Variants in ASTN1 observed in about 807,000 individuals in gnomAD.
ASTN1 encodes the protein astrotactin-1.
In ASTN1, 41 loss-of-function variants were observed where a neutral mutation model predicts 140.7. The observed-to-expected ratio is 0.29, with a 90% confidence interval of 0.23 to 0.38. The LOEUF is 0.38. Ranked by LOEUF, ASTN1 falls within the 10% of genes least tolerant of loss-of-function variation. The probability of loss-of-function intolerance (pLI) is 1.00; values close to 1 mark genes in which losing one functional copy is unlikely to be tolerated. For synonymous variants in ASTN1, 640 were observed against 652.2 expected (o/e 0.98, Z 0.29); for missense variants, 1,479 against 1,678.8 (o/e 0.88, Z 2.08).
chr1:177,125,993 C>A (rs1380613129), intron 1 of ASTN1, among the ~76,000 whole-genome samples: 2 of 152,184 alleles, frequency 1.3e-5, no homozygotes, highest in African/African-American at 2.4e-5. Context: ...ATGAACAAAT[C>A]TATATCCATT....
intron 2 of ASTN1, among the ~76,000 whole-genome samples, chr1:177,043,933 A>C (rs530077136): frequency 6.6e-6 from 1 of 152,126 alleles, no homozygotes; most frequent in South Asian, 2.1e-4. Flanking sequence ...CTCTTTAAAA[A>C]ATTATTAAAT....
intron 1 of ASTN1, among the ~76,000 whole-genome samples, chr1:177,123,717 A>G (rs1681511117): frequency 6.6e-6 from 1 of 152,134 alleles, no homozygotes. Context: ...CTCTACAGAC[A>G]GCAGTTACTT....
At chr1:177,025,453 T>A (rs747121391) in intron 5 of ASTN1, among the ~76,000 whole-genome samples, 26 of 152,072 alleles carry the variant, frequency 1.7e-4, no homozygotes, top group Non-Finnish European at 2.6e-4. Context: ...TGTTATTTTT[T>A]TTTAATTTTT....
intron 7 of ASTN1, among the ~76,000 whole-genome samples, chr1:177,020,160 T>G (rs975853623): frequency 2.6e-5 from 4 of 152,182 alleles, no homozygotes; most frequent in African/African-American, 9.7e-5. Flanking sequence ...AGTGCTGGGA[T>G]TATAGGTGTG....
At chr1:177,134,677 A>G (rs1040859945) in intron 1 of ASTN1, among the ~76,000 whole-genome samples, 1 of 152,234 alleles carries the variant, frequency 6.6e-6, no homozygotes, top group Non-Finnish European at 1.5e-5. Context: ...TTTATTGCTT[A>G]AAATATCGAT....
chr1:177,083,415 T>C (rs1679274637), intron 1 of ASTN1, among the ~76,000 whole-genome samples: 1 of 152,124 alleles, frequency 6.6e-6, no homozygotes. Context: ...AACATTCTTT[T>C]CTCTGTGCCA....
chr1:177,014,561 C>G (rs1675448771), intron 8 of ASTN1, among the ~76,000 whole-genome samples: 1 of 152,148 alleles, frequency 6.6e-6, no homozygotes, highest in South Asian at 2.1e-4. Flanking sequence ...CAGATCCCAG[C>G]TGGAAGCTGC....
At chr1:176,922,491 A>C (rs1419264009) in intron 16 of ASTN1, among the ~76,000 whole-genome samples, 1 of 141,860 alleles carries the variant, frequency 7.0e-6, no homozygotes, top group Non-Finnish European at 1.5e-5. Context: ...CAGGAGTTTG[A>C]GGCCAGCCTG....
chr1:177,141,465 T>A (rs999647021), intron 1 of ASTN1, among the ~76,000 whole-genome samples: 2 of 139,982 alleles, frequency 1.4e-5, no homozygotes, highest in African/African-American at 6.5e-5. Flanking sequence ...TTGATGAATA[T>A]GGGGGAAAAA....
intron 2 of ASTN1, among the ~76,000 whole-genome samples, chr1:177,053,857 C>A (rs1204682753): frequency 1.3e-5 from 2 of 152,156 alleles, no homozygotes; most frequent in Non-Finnish European, 2.9e-5. Context: ...GTGGGATTAG[C>A]CAAGCTGAAC....
chr1:177,025,885 G>T (rs1029101229), intron 5 of ASTN1, among the ~76,000 whole-genome samples: 1 of 152,114 alleles, frequency 6.6e-6, no homozygotes, highest in African/African-American at 2.4e-5. Context: ...AGTGTCCCCA[G>T]TCTTAGGAGG....
chr1:177,112,491 T>A (rs1680869471), intron 1 of ASTN1, among the ~76,000 whole-genome samples: 1 of 152,136 alleles, frequency 6.6e-6, no homozygotes, highest in Admixed American at 6.5e-5. Context: ...TGGGCAACAA[T>A]CAGACCGGGG....
downstream of ASTN1, among the ~76,000 whole-genome samples, chr1:176,858,796 T>C (rs900710737): frequency 1.3e-5 from 2 of 152,214 alleles, no homozygotes; most frequent in African/African-American, 2.4e-5. Flanking sequence ...AACTGGGCTG[T>C]GACTTGCAAA....
At chr1:177,045,422 C>T (rs1290100309) in intron 2 of ASTN1, among the ~76,000 whole-genome samples, 1 of 152,180 alleles carries the variant, frequency 6.6e-6, no homozygotes, top group African/African-American at 2.4e-5. Context: ...ATTACGTTCA[C>T]ACTATTGGTC....
rs188473635 is a variant in ASTN1, at chr1:177,107,793, T to A, written c.284-46528A>T. 2.0e-3 allele frequency among the ~76,000 whole-genome samples: 303 copies of A among 152,296 alleles called. 2 individuals are homozygous for A. The highest frequency in any genetic ancestry group is 7.0e-3 in the African/African-American group (292 of 41,562). ...CTGAACTTCTGTAATGATCCCTCAA[T>A]AAACTCAATATATTCAATTGGAGTA... On this transcript the variant is annotated intron_variant, in intron 1 of 22. Transcript: ENST00000361833.
At chr1:177,141,029 A>G (rs923764962) in intron 1 of ASTN1, among the ~76,000 whole-genome samples, 9 of 152,164 alleles carry the variant, frequency 5.9e-5, no homozygotes, top group Non-Finnish European at 1.0e-4. Context: ...ATCCTGGCCC[A>G]CATGGTAAAA....
chr1:176,944,258 G>A (rs1251840084), intron 13 of ASTN1, among the ~76,000 whole-genome samples: 1 of 151,820 alleles, frequency 6.6e-6, no homozygotes. Context: ...AACCCACAAT[G>A]TAAAATTATT....
chr1:177,138,227 C>A (rs1193708686), intron 1 of ASTN1, among the ~76,000 whole-genome samples: 2 of 152,176 alleles, frequency 1.3e-5, no homozygotes, highest in Admixed American at 6.5e-5. Context: ...AACCTTACAG[C>A]CAGCAGATTG....
intron 8 of ASTN1, among the ~76,000 whole-genome samples, chr1:176,969,164 C>CA (rs901733052): frequency 5.9e-5 from 9 of 151,930 alleles, no homozygotes; most frequent in Admixed American, 3.9e-4. Flanking sequence ...GCCTCCCCGC[C>CA]AAAAAAAGCC....
Sources: gnomAD v4.1 joint callset for allele counts (sites outside exome capture counted in the v4.1 genomes callset) on GRCh38, gnomAD v4.1.1 for gene constraint, MANE v1.5 for transcripts, NCBI Gene and HGNC (gene_info 2026-07-23, HGNC 2026-07-21) for gene names.